Variants in MARCHF1 observed in about 807,000 individuals in gnomAD.
The protein encoded by MARCHF1 is membrane associated ring-CH-type finger 1.
MARCHF1 carries 40 observed loss-of-function variants against 54.2 expected under a neutral mutation model. The ratio of observed to expected loss-of-function variants is 0.74; its 90% CI spans 0.57 to 0.96. MARCHF1 has a LOEUF of 0.96. Among genes scored for constraint, MARCHF1 ranks in the 40% least tolerant of loss-of-function variants. The probability of loss-of-function intolerance (pLI) is 0.00; values close to 1 mark genes in which losing one functional copy is unlikely to be tolerated. For missense variants in MARCHF1, 586 were observed against 656.5 expected (o/e 0.89, Z 1.17); for synonymous variants, 236 against 236.3 (o/e 1.00, Z 0.01).
intron 1 of MARCHF1, among the ~76,000 whole-genome samples, chr4:164,199,729 GATAAA>G (rs1731402577): frequency 1.4e-5 from 2 of 147,660 alleles, no homozygotes; most frequent in Non-Finnish European, 3.0e-5. Context: ...GAGAAGAGAA[GATAAA>G]AGAAGAGAAA....
chr4:164,231,721 T>C (rs1427277751), intron 1 of MARCHF1, among the ~76,000 whole-genome samples: 5 of 152,106 alleles, frequency 3.3e-5, no homozygotes, highest in African/African-American at 7.2e-5. Context: ...AAATTATACA[T>C]AAATAACCAA....
chr4:164,316,766 G>C (rs185129973), intron 1 of MARCHF1, among the ~76,000 whole-genome samples: 1 of 152,182 alleles, frequency 6.6e-6, no homozygotes, highest in African/African-American at 2.4e-5. Context: ...GAAGGAGATT[G>C]GAACATGGGG....
At chr4:164,189,265 T>C (rs2111042690) in intron 1 of MARCHF1, 2 of 587,688 alleles carry the variant, frequency 3.4e-6, no homozygotes, top group East Asian at 2.9e-5. Context: ...AAAGGCCAGA[T>C]GGGCCCTGTC....
chr4:163,658,873 G>A (rs1743247223), intron 5 of MARCHF1, among the ~76,000 whole-genome samples: 1 of 151,772 alleles, frequency 6.6e-6, no homozygotes, highest in Admixed American at 6.6e-5. Flanking sequence ...TGGGTTGATA[G>A]GTGCAGCAAA....
intron 3 of MARCHF1, among the ~76,000 whole-genome samples, chr4:163,862,978 G>T (rs1330377460): frequency 1.3e-5 from 2 of 152,006 alleles, no homozygotes; most frequent in Non-Finnish European, 2.9e-5. Context: ...GCTACTTTCT[G>T]TATGATTCCA....
chr4:163,659,647 C>T (rs942609867), intron 5 of MARCHF1, among the ~76,000 whole-genome samples: 1 of 151,990 alleles, frequency 6.6e-6, no homozygotes, highest in East Asian at 1.9e-4. Flanking sequence ...TTTTTGCAAT[C>T]TACCCATCTG....
chr4:164,042,866 G>T (rs1457738849), intron 2 of MARCHF1, among the ~76,000 whole-genome samples: 1 of 152,166 alleles, frequency 6.6e-6, no homozygotes, highest in African/African-American at 2.4e-5. Flanking sequence ...CAAAACAGAC[G>T]GCTACAGGTC....
At chr4:163,567,824 TTTTTTA>T (rs1560946810) in intron 8 of MARCHF1, among the ~76,000 whole-genome samples, 1 of 152,172 alleles carries the variant, frequency 6.6e-6, no homozygotes. Context: ...ACTTGATTTT[TTTTTTA>T]TTTTTATTTT....
intron 4 of MARCHF1, among the ~76,000 whole-genome samples, chr4:163,789,681 T>C (rs115308321): frequency 6.6e-6 from 1 of 151,984 alleles, no homozygotes; most frequent in East Asian, 1.9e-4. Context: ...TTTTGATACA[T>C]GCCTATGAAA....
At chr4:163,795,860 C>A (rs1435421006) in intron 4 of MARCHF1, among the ~76,000 whole-genome samples, 1 of 152,056 alleles carries the variant, frequency 6.6e-6, no homozygotes, top group African/African-American at 2.4e-5. Flanking sequence ...TTACAAATAA[C>A]ATAAACAGTT....
chr4:163,781,081 C>T (rs999646524), intron 4 of MARCHF1, among the ~76,000 whole-genome samples: 2 of 152,080 alleles, frequency 1.3e-5, no homozygotes, highest in Non-Finnish European at 2.9e-5. Flanking sequence ...CGGTGGCTCA[C>T]GCCTATAATC....
intron 4 of MARCHF1, among the ~76,000 whole-genome samples, chr4:163,767,782 C>A (rs1400636633): frequency 6.6e-6 from 1 of 152,126 alleles, no homozygotes; most frequent in Admixed American, 6.5e-5. Flanking sequence ...TCTTTTATTG[C>A]ATTTTGTACT....
At chr4:163,946,516 T>A (rs1227023661) in intron 3 of MARCHF1, among the ~76,000 whole-genome samples, 3 of 152,124 alleles carry the variant, frequency 2.0e-5, no homozygotes, top group African/African-American at 7.2e-5. Context: ...AAGAATAATA[T>A]CCCCCAGGAA....
rs1157760098 is a variant in MARCHF1, at chr4:164,144,980, T to C, written c.-322-33318A>G. On this transcript the variant is annotated intron_variant, in intron 1 of 9. Transcript: ENST00000514618. ...ATCAAATAGATGCAATAAAAAATGA[T>C]AAAGGGGATATCACCACCGATCCCA... 2.0e-4 allele frequency among the ~76,000 whole-genome samples: 27 copies of C among 132,664 alleles called. No homozygotes were observed. In the South Asian group the frequency reaches 6.5e-3, roughly 32 times the overall value. 87.0% of individuals were successfully genotyped at this position (132,664 alleles called of 152,430 possible).
chr4:164,376,487 G>C (rs551351828), intron 1 of MARCHF1, among the ~76,000 whole-genome samples: 1 of 152,246 alleles, frequency 6.6e-6, no homozygotes, highest in South Asian at 2.1e-4. Flanking sequence ...AATAATACAA[G>C]GTGATCCCGG....
chr4:164,213,295 G>A (rs1191380841), intron 1 of MARCHF1, among the ~76,000 whole-genome samples: 5 of 150,914 alleles, frequency 3.3e-5, no homozygotes, highest in African/African-American at 4.9e-5. Context: ...GTGCAGTGGC[G>A]CAAGCTCTGC....
At position 163,695,510 on chromosome 4, in the gene MARCHF1, G is replaced by T. The variant is rs543102654; in HGVS notation, c.162+5303C>A. 1.8e-3 allele frequency among the ~76,000 whole-genome samples: 275 copies of T among 152,238 alleles called. 1 individual carries two copies. The highest frequency in any genetic ancestry group is 6.1e-3 in the African/African-American group (254 of 41,570). On this transcript the variant is annotated intron_variant, in intron 5 of 9. Transcript: ENST00000514618. The stretch of plus-strand genomic sequence containing the variant: ...ATTTTGTAAGATATTTTAAGGTAGA[G>T]ACTAACTGAAGAATTGAAATGACTC...
chr4:163,806,240 C>T (rs538170025), intron 4 of MARCHF1, among the ~76,000 whole-genome samples: 1 of 152,298 alleles, frequency 6.6e-6, no homozygotes, highest in South Asian at 2.1e-4. Flanking sequence ...GTCTGACATC[C>T]TTCTTTTATT....
intron 5 of MARCHF1, among the ~76,000 whole-genome samples, chr4:163,637,349 T>G (rs2111019035): frequency 6.6e-6 from 1 of 152,224 alleles, no homozygotes; most frequent in South Asian, 2.1e-4. Context: ...CCTACTCATC[T>G]GACAAAGGGC....
Sources: allele counts gnomAD v4.1 joint callset (sites outside exome capture counted in the v4.1 genomes callset), GRCh38; gene constraint gnomAD v4.1.1; transcripts MANE v1.5; gene names NCBI Gene and HGNC (gene_info 2026-07-23, HGNC 2026-07-21).